The following OTUD7A variants were observed in gnomAD, a reference collection of about 807,000 sequenced individuals.
OTUD7A encodes the protein OTU domain-containing protein 7A.
OTUD7A carries 12 observed loss-of-function variants against 65.7 expected under a neutral mutation model. The observed-to-expected ratio is 0.18, with a 90% CI of 0.12 to 0.30. The LOEUF (loss-of-function observed/expected upper bound fraction) is 0.30, where lower values mean the gene tolerates loss of function less well. OTUD7A is among the 10% of genes least tolerant of loss of function. OTUD7A has a pLI of 1.00. For synonymous variants in OTUD7A, 641 were observed against 586.3 expected (o/e 1.09, Z -1.35); for missense variants, 1,148 against 1,304.8 (o/e 0.88, Z 1.85).
chr15:31,741,415 G>T (rs745593093), intron 1 of OTUD7A, among the ~76,000 whole-genome samples: 16 of 147,174 alleles, frequency 1.1e-4, no homozygotes, highest in Non-Finnish European at 1.9e-4. Flanking sequence ...GTGCCATGTT[G>T]GTTTGCTGCA....
intron 1 of OTUD7A, among the ~76,000 whole-genome samples, chr15:31,824,136 T>G (rs1338275444): frequency 6.6e-6 from 1 of 152,218 alleles, no homozygotes; most frequent in Non-Finnish European, 1.5e-5. Flanking sequence ...GCAGGGACAC[T>G]GAACCAAGGC....
intron 4 of OTUD7A, among the ~76,000 whole-genome samples, chr15:31,564,484 T>C (rs1888800470): frequency 6.6e-6 from 1 of 150,814 alleles, no homozygotes; most frequent in African/African-American, 2.5e-5. Context: ...AGTATCTAAA[T>C]AAGATTGAGA....
In OTUD7A at chr15:31,521,982, T is replaced by C. The variant is rs34765632; in HGVS notation, c.893+4367A>G. Among the ~76,000 whole-genome samples, 452 of 152,336 alleles carry C rather than the reference T, an allele frequency of 3.0e-3. 3 individuals carry two copies. The highest frequency in any genetic ancestry group is 4.5e-3 in the Non-Finnish European group (307 of 68,028). ...AGAACAAAAATGATTATTTTCACCATAGTCAAGATAAGTTGTTGATTCCTA... is the reference window on the plus strand; with the variant it reads ...AGAACAAAAATGATTATTTTCACCACAGTCAAGATAAGTTGTTGATTCCTA... On this transcript the variant is annotated intron_variant, in intron 8 of 12. Transcript: ENST00000307050.
intron 3 of OTUD7A, among the ~76,000 whole-genome samples, chr15:31,577,670 C>G (rs904743957): frequency 2.2e-4 from 33 of 151,970 alleles, no homozygotes; most frequent in Non-Finnish European, 1.9e-4. Flanking sequence ...CGTACTGGCT[C>G]AGAAGGGCGA....
intron 1 of OTUD7A, among the ~76,000 whole-genome samples, chr15:31,690,543 T>A (rs4534799): frequency 6.6e-6 from 1 of 152,232 alleles, no homozygotes; most frequent in African/African-American, 2.4e-5. Context: ...GGTGTGGGCA[T>A]AAAGACAGAT....
At chr15:31,804,820 C>G (rs557592859) in intron 1 of OTUD7A, among the ~76,000 whole-genome samples, 1 of 152,366 alleles carries the variant, frequency 6.6e-6, no homozygotes, top group African/African-American at 2.4e-5. Context: ...TGGCACAAAG[C>G]TAAATCCTGT....
chr15:31,530,451 C>G (rs1595587894), intron 6 of OTUD7A, among the ~76,000 whole-genome samples: 2 of 152,180 alleles, frequency 1.3e-5, no homozygotes, highest in African/African-American at 4.8e-5. Flanking sequence ...AAGTCCCATC[C>G]CTGCAGCTAT....
chr15:31,767,733 C>T (rs118087686), intron 1 of OTUD7A: 9,831 of 711,826 alleles, frequency 0.014, 101 homozygotes, highest in Non-Finnish European at 0.02. Context: ...ATTTTCTCGG[C>T]ATTTTCCTGA....
chr15:31,766,343 AT>A, intron 1 of OTUD7A: 1 of 1,596,704 alleles, frequency 6.3e-7, no homozygotes, highest in Non-Finnish European at 8.6e-7. Flanking sequence ...GCTTTCTATG[AT>A]TTGGTGGGGG....
chr15:31,789,221 T>A (rs1895751984), intron 1 of OTUD7A, among the ~76,000 whole-genome samples: 4 of 152,188 alleles, frequency 2.6e-5, no homozygotes. Flanking sequence ...ACCTTCCTCA[T>A]GCAGGGTAGA....
chr15:31,620,745 G>T (rs1327205685), intron 3 of OTUD7A, among the ~76,000 whole-genome samples: 2 of 104,366 alleles, frequency 1.9e-5, no homozygotes, highest in Non-Finnish European at 3.5e-5. Flanking sequence ...TTTTTGAAGG[G>T]TTTTTTGTGT....
At chr15:31,775,241 T>C (rs1052299689) in intron 1 of OTUD7A, among the ~76,000 whole-genome samples, 3 of 152,046 alleles carry the variant, frequency 2.0e-5, no homozygotes, top group African/African-American at 7.2e-5. Flanking sequence ...TGCCAAAATA[T>C]ATGGACCCAA....
At chr15:31,689,480 C>A (rs1253481247) in intron 1 of OTUD7A, 1 of 143,368 alleles carries the variant, frequency 7.0e-6, no homozygotes, top group Non-Finnish European at 1.5e-5. Flanking sequence ...CGCCTGAGAA[C>A]TCTGGAAAAG....
At chr15:31,559,254 A>G (rs1467866934) in intron 4 of OTUD7A, 67 bp from the exon 5 acceptor site, 3 of 1,424,900 alleles carry the variant, frequency 2.1e-6, no homozygotes, top group Non-Finnish European at 2.9e-6. Context: ...TATGTACATA[A>G]ACACACATAC....
chr15:31,652,940 A>G (rs760047678), intron 3 of OTUD7A, among the ~76,000 whole-genome samples: 6 of 152,152 alleles, frequency 3.9e-5, no homozygotes, highest in Non-Finnish European at 7.4e-5. Flanking sequence ...CAAGGTTAAC[A>G]TGTATTTAGC....
intron 1 of OTUD7A, among the ~76,000 whole-genome samples, chr15:31,803,187 T>C (rs2140951297): frequency 6.6e-6 from 1 of 152,224 alleles, no homozygotes; most frequent in South Asian, 2.1e-4. Flanking sequence ...GGTCACCAGG[T>C]CATTCAGCAG....
intron 1 of OTUD7A, among the ~76,000 whole-genome samples, chr15:31,669,809 T>C (rs1456845333): frequency 1.3e-5 from 2 of 151,910 alleles, no homozygotes; most frequent in Non-Finnish European, 2.9e-5. Flanking sequence ...CCCAGGGAGC[T>C]CCCAGGGCCT....
intron 1 of OTUD7A, among the ~76,000 whole-genome samples, chr15:31,780,007 G>A (rs1328516016): frequency 1.3e-5 from 2 of 152,110 alleles, no homozygotes; most frequent in Non-Finnish European, 2.9e-5. Context: ...GCTGGGATCT[G>A]CTCCCTCCAA....
chr15:31,785,075 C>A (rs1895636562), intron 1 of OTUD7A, among the ~76,000 whole-genome samples: 1 of 152,188 alleles, frequency 6.6e-6, no homozygotes, highest in Admixed American at 6.5e-5. Flanking sequence ...ACTGATGCAT[C>A]TAGACCCTGC....
Sources: allele counts gnomAD v4.1 joint callset (sites outside exome capture counted in the v4.1 genomes callset), GRCh38; gene constraint gnomAD v4.1.1; transcripts MANE v1.5; gene names NCBI Gene and HGNC (gene_info 2026-07-23, HGNC 2026-07-21).